DCUN1D4: variants seen among roughly 807,000 people sequenced by gnomAD.
The protein encoded by DCUN1D4 is DCN1-like protein 4.
DCUN1D4 carries 22 observed loss-of-function variants against 47.9 expected under a neutral mutation model. The observed-to-expected ratio is 0.46, with a 90% CI of 0.33 to 0.66. The LOEUF (loss-of-function observed/expected upper bound fraction) is 0.66, where lower values mean the gene tolerates loss of function less well. Among genes scored for constraint, DCUN1D4 ranks in the 30% least tolerant of loss-of-function variants. The pLI, the probability that DCUN1D4 is intolerant of heterozygous loss-of-function variation, is 0.02. For missense variants in DCUN1D4, 301 were observed against 340.8 expected (o/e 0.88, Z 0.92); for synonymous variants, 121 against 112.2 (o/e 1.08, Z -0.50).
chr4:51,836,665 T>G, the DCUN1D4 span, among the ~76,000 whole-genome samples: 2 of 152,138 alleles, frequency 1.3e-5, no homozygotes, highest in Non-Finnish European at 2.9e-5. Flanking sequence ...TTCATGCTCT[T>G]CCCCACTAGG....
chr4:51,856,414 T>TG (rs1260453040), intron 1 of DCUN1D4, among the ~76,000 whole-genome samples: 2 of 152,186 alleles, frequency 1.3e-5, no homozygotes, highest in Non-Finnish European at 2.9e-5. Context: ...ATTATTTCCC[T>TG]GGGGGAAAAA....
Position 51,856,070 on chromosome 4 carries a change from G to A in DCUN1D4, c.26-7367G>A, listed in dbSNP as rs137889319. 1.8e-4 allele frequency among the ~76,000 whole-genome samples: 27 copies of A among 152,340 alleles called. No homozygotes were observed. The East Asian group carries it at 5.0e-3, about 28-fold the overall frequency. On this transcript the variant is annotated intron_variant, in intron 1 of 10. Transcript: ENST00000334635. ...TAGAGAGGCAGATCCCTATACCTCA[G>A]TCGTGTTCTTGTTCTGTTCCAGAGA...
chr4:51,890,319 A>G (rs180784100), intron 6 of DCUN1D4, among the ~76,000 whole-genome samples: 4 of 152,298 alleles, frequency 2.6e-5, no homozygotes, highest in Admixed American at 2.6e-4. Context: ...CATCTGACCC[A>G]GTTGGGCACA....
At chr4:51,843,395 C>A (rs1721901855) in intron 1 of DCUN1D4, 128 bp downstream of exon 1, 2 of 1,302,040 alleles carry the variant, frequency 1.5e-6, no homozygotes, top group East Asian at 6.3e-5. Flanking sequence ...TGGGAACCAC[C>A]CCTTCCCCTC....
chr4:51,845,325 G>T, intron 1 of DCUN1D4: 1 of 965,416 alleles, frequency 1.0e-6, no homozygotes, highest in Non-Finnish European at 1.2e-6. Flanking sequence ...GTCTTGAAAT[G>T]AGTGATGGAG....
chr4:51,909,605 C>T (rs1733401916), intron 8 of DCUN1D4, among the ~76,000 whole-genome samples: 1 of 152,188 alleles, frequency 6.6e-6, no homozygotes, highest in Non-Finnish European at 1.5e-5. Flanking sequence ...GTGCGTACTG[C>T]AGCCCTGAGC....
At chr4:51,912,761 G>A (rs566229632) in intron 9 of DCUN1D4, among the ~76,000 whole-genome samples, 7 of 152,288 alleles carry the variant, frequency 4.6e-5, no homozygotes, top group African/African-American at 1.7e-4. Flanking sequence ...CTAATTTTGA[G>A]ACCACTTGCA....
At chr4:51,852,780 C>T (rs1485357491) in intron 1 of DCUN1D4, among the ~76,000 whole-genome samples, 4 of 152,194 alleles carry the variant, frequency 2.6e-5, no homozygotes, top group Admixed American at 1.3e-4. Context: ...TCTGTTATTT[C>T]GGCTTTATGG....
At chr4:51,906,055 C>T (rs938464464) in intron 8 of DCUN1D4, among the ~76,000 whole-genome samples, 3 of 152,066 alleles carry the variant, frequency 2.0e-5, no homozygotes, top group Admixed American at 6.6e-5. Flanking sequence ...GGAGAGGTCG[C>T]CTTTTCACTT....
chr4:51,837,198 T>C, the DCUN1D4 span, among the ~76,000 whole-genome samples: 1 of 152,334 alleles, frequency 6.6e-6, no homozygotes, highest in Non-Finnish European at 1.5e-5. Flanking sequence ...GAACATGTGG[T>C]AATGAATGAA....
rs535387870 is a variant in DCUN1D4 at position 51,915,262 on chromosome 4, A to G, written c.*1678A>G. 7.9e-5 allele frequency: 12 copies of G among 152,736 alleles called. No homozygotes were observed. Among genetic ancestry groups the G allele is most frequent in the Middle Eastern group, 3.4e-3 (1 of 294 alleles). 9.5% of individuals were successfully genotyped at this position (152,736 alleles called of 1,614,324 possible). A position where few individuals can be genotyped will look rare whatever the true frequency, so the allele number is the denominator to read the frequency against. ...ATACAGTGTGTGTGTATACAAAATC[A>G]TGATATAGTAGAATGCAACTACTTT... On this transcript the variant is annotated 3_prime_UTR_variant, in exon 11 of 11. Transcript: ENST00000334635.
Position 51,843,690 on chromosome 4 carries a change from G to A in DCUN1D4, c.25+423G>A, listed in dbSNP as rs1721972780. ...AGCGAGCGAGCGAGCGGGGCACAAG[G>A]GTGAGGATTTCCAAAGGGCTGAGTG... On this transcript the variant is annotated intron_variant, in intron 1 of 10. Transcript: ENST00000334635. The A allele has an allele frequency of 6.4e-6, 8 of 1,242,254 alleles. No homozygotes were observed. In the African/African-American group the frequency reaches 8.0e-5, roughly 12 times the overall value. The allele number at this position is 1,242,254 out of a possible 1,614,324, so 77.0% of individuals were successfully genotyped here. A position where few individuals can be genotyped will look rare whatever the true frequency, so the allele number is the denominator to read the frequency against.
At chr4:51,868,692 G>A (rs1356096161) in intron 3 of DCUN1D4, among the ~76,000 whole-genome samples, 1 of 152,172 alleles carries the variant, frequency 6.6e-6, no homozygotes, top group Non-Finnish European at 1.5e-5. Context: ...CACAGAGATC[G>A]GGTATCTTCC....
rs929486728 is a variant in DCUN1D4, at chr4:51,913,780, A to C, written c.*196A>C. On this transcript the variant is annotated 3_prime_UTR_variant, in exon 11 of 11. Transcript: ENST00000334635. ...TTGTTCTCTTGGAAGGCTGCTTTGC[A>C]GTTTGTATTTACACTACAGATTGGT... The C allele has an allele frequency of 7.4e-6, 4 of 537,850 alleles. No individual in the cohort carries two copies. The African/African-American group carries it at 7.6e-5, about 10-fold the overall frequency. The allele number at this position is 537,850 out of a possible 1,614,324, so 33.3% of individuals were successfully genotyped here.
chr4:51,886,926 C>A, intron 6 of DCUN1D4: 2 of 424,464 alleles, frequency 4.7e-6, no homozygotes, highest in Non-Finnish European at 8.8e-6. Flanking sequence ...CCTACAATGA[C>A]GGATCAACTG....
At chr4:51,861,907 G>C (rs986790459) in intron 1 of DCUN1D4, among the ~76,000 whole-genome samples, 5 of 149,904 alleles carry the variant, frequency 3.3e-5, no homozygotes, top group African/African-American at 1.2e-4. Context: ...GTAGCTTCTA[G>C]CTTCTACCCC....
intron 5 of DCUN1D4, chr4:51,884,278 T>C (rs377643148): frequency 2.0e-5 from 3 of 152,156 alleles, no homozygotes; most frequent in African/African-American, 7.2e-5. Context: ...CGGGTGACTT[T>C]AGTGTTCCTC....
chr4:51,860,676 G>A (rs760903541), intron 1 of DCUN1D4: 10 of 454,102 alleles, frequency 2.2e-5, no homozygotes, highest in South Asian at 1.1e-4. Flanking sequence ...GAGAGGAGGT[G>A]CCACACACTT....
chr4:51,880,389 G>A (rs1728406264), intron 5 of DCUN1D4, among the ~76,000 whole-genome samples: 1 of 152,178 alleles, frequency 6.6e-6, no homozygotes, highest in Non-Finnish European at 1.5e-5. Context: ...CTGACTCCCT[G>A]CCTTTTAATC....
Sources: gnomAD v4.1 joint callset for allele counts (sites outside exome capture counted in the v4.1 genomes callset) on GRCh38, gnomAD v4.1.1 for gene constraint, MANE v1.5 for transcripts, NCBI Gene and HGNC (gene_info 2026-07-23, HGNC 2026-07-21) for gene names.